NDFIP1: variants seen among roughly 807,000 people sequenced by gnomAD.
The protein encoded by NDFIP1 is NEDD4 family-interacting protein 1.
A neutral mutation model predicts 28.8 loss-of-function variants in NDFIP1; 7 were observed. The ratio of observed to expected loss-of-function variants is 0.24; its 90% confidence interval spans 0.14 to 0.46. The LOEUF is 0.46. NDFIP1 is among the 20% of genes least tolerant of loss of function. The probability of loss-of-function intolerance (pLI) is 0.99; values close to 1 mark genes in which losing one functional copy is unlikely to be tolerated. For synonymous variants in NDFIP1, 92 were observed against 101.0 expected (o/e 0.91, Z 0.53); for missense variants, 194 against 269.1 (o/e 0.72, Z 1.95).
intron 1 of NDFIP1, among the ~76,000 whole-genome samples, chr5:142,125,229 C>T (rs1246528644): frequency 6.6e-6 from 1 of 152,094 alleles, no homozygotes; most frequent in Non-Finnish European, 1.5e-5. Flanking sequence ...TCGATCCCTT[C>T]GTAAGTTGAT....
Position 142,152,831 on chromosome 5 carries a change from G to A in NDFIP1, c.*1103G>A, listed in dbSNP as rs1757461327. ...TGGCTTGCATTTGTTGATTGCTAAG[G>A]CAATTTTTTCTAATCTTAGGGAATC... On this transcript the variant is annotated 3_prime_UTR_variant, in exon 8 of 8. Transcript: ENST00000253814. 1 of 163,080 alleles carries A rather than the reference G, an allele frequency of 6.1e-6. No homozygotes were observed. The highest frequency in any genetic ancestry group is 2.4e-5 in the African/African-American group (1 of 41,488). 10.1% of individuals were successfully genotyped at this position (163,080 alleles called of 1,614,324 possible). A position where few individuals can be genotyped will look rare whatever the true frequency, so the allele number is the denominator to read the frequency against.
intron 3 of NDFIP1, among the ~76,000 whole-genome samples, chr5:142,134,498 G>T (rs1186224912): frequency 1.3e-5 from 2 of 152,160 alleles, no homozygotes; most frequent in Non-Finnish European, 2.9e-5. Context: ...TGTTAAGTTA[G>T]AAAAGGAAGC....
chr5:142,127,112 A>G (rs1051487109), intron 1 of NDFIP1, among the ~76,000 whole-genome samples: 4 of 151,958 alleles, frequency 2.6e-5, no homozygotes, highest in African/African-American at 7.3e-5. Context: ...ACCTCCCCGG[A>G]TCAAGTGATT....
At chr5:142,131,961 A>T (rs1757232498) in intron 2 of NDFIP1, 66 bp downstream of exon 2, 27 of 422,922 alleles carry the variant, frequency 6.4e-5, no homozygotes, top group Non-Finnish European at 7.3e-5. Flanking sequence ...ATTACAGTTT[A>T]AAAAAAAAAA....
intron 3 of NDFIP1, among the ~76,000 whole-genome samples, 165 bp downstream of exon 3, chr5:142,132,507 T>C (rs1757237909): frequency 6.6e-6 from 1 of 152,236 alleles, no homozygotes; most frequent in Admixed American, 6.5e-5. Flanking sequence ...CATCTCTTCT[T>C]AAAAATGATG....
At chr5:142,137,663 C>G in intron 4 of NDFIP1, 71 bp from the exon 5 acceptor site, 1 of 1,553,246 alleles carries the variant, frequency 6.4e-7, no homozygotes, top group South Asian at 1.2e-5. Context: ...TAAACAGAGG[C>G]AGGTGTAAGG....
At chr5:142,146,749 T>C in intron 7 of NDFIP1, among the ~76,000 whole-genome samples, 1 of 152,218 alleles carries the variant, frequency 6.6e-6, no homozygotes, top group South Asian at 2.1e-4. Flanking sequence ...GGGGATTGCA[T>C]ACCTTCTTCA....
intron 1 of NDFIP1, among the ~76,000 whole-genome samples, chr5:142,131,107 A>G (rs1484213041): frequency 6.6e-6 from 1 of 151,684 alleles, no homozygotes; most frequent in Admixed American, 6.6e-5. Flanking sequence ...GGTGCATGCC[A>G]CCACTCCCGG....
rs142939462 is a variant in NDFIP1, at chr5:142,139,174, C to T, written c.495+1316C>T. ...GGTGGAGCTTACAGTGAGCCGAGAT[C>T]GTGCCACTGCACTCCAGCCTGGGCG... On this transcript the variant is annotated intron_variant, in intron 5 of 7. Coordinates refer to ENST00000253814, the MANE Select transcript of NDFIP1 (RefSeq NM_030571.4). Among the ~76,000 whole-genome samples the T allele has an allele frequency of 7.9e-3, 1,189 of 150,540 alleles. 22 individuals are homozygous for T. The highest frequency in any genetic ancestry group is 0.028 in the African/African-American group (1,126 of 40,830).
chr5:142,118,849 C>T (rs1757095257), intron 1 of NDFIP1, among the ~76,000 whole-genome samples: 1 of 152,022 alleles, frequency 6.6e-6, no homozygotes, highest in African/African-American at 2.4e-5. Flanking sequence ...AATTGCATAC[C>T]TCCATCATTG....
rs186062242 is a variant in NDFIP1 at position 142,135,615 on chromosome 5, A to G, written c.283-115A>G. On this transcript the variant is annotated intron_variant, in intron 3 of 7. Transcript: ENST00000253814. ...AACACACATTGAGCCTTTAATGCTC[A>G]TAATTTTGAACTGAACCAAAGCAAT... is the stretch of plus-strand genomic sequence containing the variant. 11 of 788,492 alleles carry G rather than the reference A, an allele frequency of 1.4e-5. No individual in the cohort carries two copies. In the Admixed American group the frequency reaches 2.1e-4, roughly 15 times the overall value. The allele number at this position is 788,492 out of a possible 1,614,324, so 48.8% of individuals were successfully genotyped here. A position where few individuals can be genotyped will look rare whatever the true frequency, so the allele number is the denominator to read the frequency against.
intron 5 of NDFIP1, 160 bp downstream of exon 5, chr5:142,138,018 T>C: frequency 1.2e-6 from 1 of 809,746 alleles, no homozygotes; most frequent in Non-Finnish European, 1.8e-6. Flanking sequence ...CAAAATCATT[T>C]GCAAATGGTT....
chr5:142,139,528 GA>G (rs769864120), intron 5 of NDFIP1, among the ~76,000 whole-genome samples: 1 of 151,968 alleles, frequency 6.6e-6, no homozygotes, highest in Non-Finnish European at 1.5e-5. Context: ...AGAAGAAAAA[GA>G]ACTATTTAAA....
At chr5:142,140,177 G>T (rs1416762679) in intron 5 of NDFIP1, among the ~76,000 whole-genome samples, 1 of 152,016 alleles carries the variant, frequency 6.6e-6, no homozygotes, top group East Asian at 1.9e-4. Flanking sequence ...TGCTGGTCAC[G>T]GTAGCTCACG....
chr5:142,119,654 T>C (rs1757103305), intron 1 of NDFIP1, among the ~76,000 whole-genome samples: 1 of 152,180 alleles, frequency 6.6e-6, no homozygotes, highest in South Asian at 2.1e-4. Flanking sequence ...ATGGTAGGAC[T>C]GATTTTTCTT....
intron 6 of NDFIP1, among the ~76,000 whole-genome samples, chr5:142,142,805 A>G (rs1596794259): frequency 6.7e-6 from 1 of 150,282 alleles, no homozygotes; most frequent in Non-Finnish European, 1.5e-5. Context: ...GCTCATGCCT[A>G]TGATCCCAGC....
In NDFIP1 at chr5:142,137,795, A is replaced by G. The variant is rs776295914; in HGVS notation, c.432A>G (p.Ala144=). The change falls in exon 5 of 8, where the codon GCA becomes GCG. Residue 144 remains alanine (A), a synonymous_variant. Coordinates refer to ENST00000253814, the MANE Select transcript of NDFIP1 (RefSeq NM_030571.4). The part of the protein sequence containing the change: ...FLSFCLTTSA[A]GRYGAISGFG... ...CTTTTTGCCTGACCACTTCAGCTGC[A>G]GGAAGGTATGGGGCCATTTCAGGAT... is the stretch of plus-strand genomic sequence containing the variant. The G allele has an allele frequency of 1.2e-6, 2 of 1,614,180 alleles. No individual in the cohort carries two copies. Among genetic ancestry groups the G allele is most frequent in the Non-Finnish European group, 1.7e-6 (2 of 1,180,018 alleles).
chr5:142,116,561 G>T (rs574554173), intron 1 of NDFIP1, among the ~76,000 whole-genome samples: 82 of 152,110 alleles, frequency 5.4e-4, no homozygotes, highest in African/African-American at 2.0e-3. Flanking sequence ...TAGAGGTGGG[G>T]TTTCACCATG....
chr5:142,147,062 A>G (rs112006247), intron 7 of NDFIP1, among the ~76,000 whole-genome samples: 15 of 152,292 alleles, frequency 9.8e-5, no homozygotes, highest in African/African-American at 3.1e-4. Flanking sequence ...GAGGTAAATG[A>G]ATGCACACCA....
Sources: gnomAD v4.1 joint callset for allele counts (sites outside exome capture counted in the v4.1 genomes callset) on GRCh38, gnomAD v4.1.1 for gene constraint, MANE v1.5 for transcripts, NCBI Gene and HGNC (gene_info 2026-07-23, HGNC 2026-07-21) for gene names.